The following CACNA1C variants were observed in gnomAD, a reference collection of about 807,000 sequenced individuals.
CACNA1C encodes voltage-dependent L-type calcium channel subunit alpha-1C.
CACNA1C carries 30 observed loss-of-function variants against 229.0 expected under a neutral mutation model. That is an observed-to-expected ratio of 0.13 (90% confidence interval 0.10 to 0.18). CACNA1C has a LOEUF of 0.18. CACNA1C is among the 10% of genes least tolerant of loss of function. The probability of loss-of-function intolerance (pLI) is 1.00; values close to 1 mark genes in which losing one functional copy is unlikely to be tolerated. For synonymous variants in CACNA1C, 1,114 were observed against 1,132.5 expected, an observed-to-expected ratio of 0.98 and a Z score of 0.33; for missense variants, 1,658 against 2,845.0, an observed-to-expected ratio of 0.58 and a Z score of 9.49.
intron 3 of CACNA1C, among the ~76,000 whole-genome samples, chr12:2,424,985 T>C (rs1208439921): frequency 6.6e-6 from 1 of 152,228 alleles, no homozygotes; most frequent in Non-Finnish European, 1.5e-5. Context: ...TGGGCGACTG[T>C]CTGCACTGTG....
chr12:2,688,518 TGCCACCCCACCA>T lies in CACNA1C; in HGVS notation c.5862_5873del (p.Pro1956_Pro1959del), dbSNP rs781559449. 23 of 1,613,822 alleles carry T rather than the reference TGCCACCCCACCA, an allele frequency of 1.4e-5. No individual in the cohort carries two copies. In the East Asian group the frequency reaches 4.7e-4, roughly 33 times the overall value. On this transcript the variant is annotated inframe_deletion, in exon 46 of 47. Transcript: ENST00000399655. ...CCCCTGCCTCATTCCCTAGGCCTTT[TGCCACCCCACCA>T]GCCACACCTGGCAGCCGAGGCTGGC...
intron 3 of CACNA1C, among the ~76,000 whole-genome samples, chr12:2,284,792 C>A (rs941832336): frequency 5.3e-5 from 8 of 152,220 alleles, no homozygotes; most frequent in African/African-American, 1.9e-4. Context: ...AGCCTTGTTC[C>A]AGTGTGAGTC....
intron 3 of CACNA1C, among the ~76,000 whole-genome samples, chr12:2,356,629 T>A (rs938523607): frequency 1.3e-5 from 2 of 152,226 alleles, no homozygotes; most frequent in African/African-American, 2.4e-5. Flanking sequence ...AAACATGACC[T>A]GAAGAGGCAG....
intron 3 of CACNA1C, among the ~76,000 whole-genome samples, chr12:2,376,238 G>T (rs2098060935): frequency 6.6e-6 from 1 of 152,192 alleles, no homozygotes; most frequent in Non-Finnish European, 1.5e-5. Flanking sequence ...TAGATCAGAA[G>T]TCCAGGTCGG....
At chr12:2,629,874 C>A (rs758711560) in intron 29 of CACNA1C, among the ~76,000 whole-genome samples, 1 of 152,234 alleles carries the variant, frequency 6.6e-6, no homozygotes, top group African/African-American at 2.4e-5. Context: ...TCTCAGCCCA[C>A]CCCTATCAGT....
intron 9 of CACNA1C, among the ~76,000 whole-genome samples, chr12:2,524,712 A>T (rs1244269900): frequency 6.6e-6 from 1 of 152,246 alleles, no homozygotes. Flanking sequence ...TCGGGCCAGC[A>T]GAAGAGGGAG....
intron 3 of CACNA1C, among the ~76,000 whole-genome samples, chr12:2,404,011 G>T (rs1374320412): frequency 6.6e-6 from 1 of 152,220 alleles, no homozygotes; most frequent in Non-Finnish European, 1.5e-5. Context: ...GTCCAGCCAG[G>T]CAGGGCCTGG....
At chr12:2,280,814 A>G (rs2090959353) in intron 3 of CACNA1C, among the ~76,000 whole-genome samples, 1 of 151,834 alleles carries the variant, frequency 6.6e-6, no homozygotes, top group South Asian at 2.1e-4. Flanking sequence ...TGTTAGTCCC[A>G]TGTAGCTTTG....
chr12:2,575,956 G>A lies in CACNA1C; in HGVS notation c.1896-5634G>A, dbSNP rs1402762925. Among the ~76,000 whole-genome samples the A allele has an allele frequency of 3.9e-5, 6 of 152,166 alleles. No homozygotes were observed. The highest frequency in any genetic ancestry group is 1.4e-4 in the African/African-American group (6 of 41,436). On this transcript the variant is annotated intron_variant, in intron 13 of 46. Transcript: ENST00000399655. The surrounding 1 kb of genome is among the most constrained non-coding windows in gnomAD (Gnocchi z 4.0). The stretch of plus-strand genomic sequence containing the variant: ...CCACAGAGCCCCAAACCCAGAGACA[G>A]ACCTAGAGACGGGGAAACAAATGGA...
intron 3 of CACNA1C, among the ~76,000 whole-genome samples, chr12:2,373,228 C>G (rs2097918934): frequency 6.6e-6 from 1 of 152,194 alleles, no homozygotes; most frequent in Admixed American, 6.5e-5. Context: ...ATATTACTTA[C>G]TTGTCACCCC....
chr12:2,262,229 G>T (rs2080553779), intron 3 of CACNA1C, among the ~76,000 whole-genome samples: 1 of 152,218 alleles, frequency 6.6e-6, no homozygotes, highest in South Asian at 2.1e-4. Context: ...CAGACCATGT[G>T]ACAGTCAGCT....
At chr12:2,136,869 G>A (rs7308563) in intron 3 of CACNA1C, among the ~76,000 whole-genome samples, 2 of 151,370 alleles carry the variant, frequency 1.3e-5, no homozygotes, top group Non-Finnish European at 3.0e-5. Flanking sequence ...TCTCTGGTTG[G>A]GGTGAGGGAA....
intron 18 of CACNA1C, among the ~76,000 whole-genome samples, chr12:2,588,094 C>A (rs1271534585): frequency 6.6e-6 from 1 of 152,234 alleles, no homozygotes; most frequent in Non-Finnish European, 1.5e-5. Context: ...CAGTCAGCTC[C>A]TGGATCCTTT....
intron 42 of CACNA1C, chr12:2,680,576 G>T: frequency 1.3e-6 from 2 of 1,560,484 alleles, no homozygotes; most frequent in Non-Finnish European, 1.7e-6. Context: ...AGCATGCCAG[G>T]TTCTTGACAT....
chr12:2,550,023 G>A lies in CACNA1C; in HGVS notation c.1471G>A (p.Ala491Thr). 4 of 1,603,894 alleles carry A rather than the reference G, an allele frequency of 2.5e-6. No individual in the cohort carries two copies. The Middle Eastern group carries it at 6.6e-4, about 265-fold the overall frequency. ...TGACATCGAGGGAGAAAACTGCGGG[G>A]CCAGGCTGGCGTGAGTAGGCACGGC... ...GGDIEGENCGARLAHRISKSK... is the reference protein window; with the variant it reads ...GGDIEGENCGTRLAHRISKSK... Residue 491 changes from alanine (A) to threonine (T), a missense_variant, in exon 10 of 47, where the codon GCC becomes ACC. Transcript: ENST00000399655.
rs1030242284 is a variant in CACNA1C at position 2,593,292 on chromosome 12, G to A, written c.2610G>A (p.Lys870=). ...RPLSELHLKE[K]AVPMPEASAF... is the part of the protein sequence containing the mutation. The stretch of plus-strand genomic sequence containing the variant: ...TCTCTGAGCTTCACCTTAAGGAAAA[G>A]GCAGTGCCCATGCCAGAAGCCAGCG... The change falls in exon 19 of 47, where the codon AAG becomes AAA. Residue 870 remains lysine, a synonymous_variant. Coordinates refer to ENST00000399655, the MANE Select transcript of CACNA1C (RefSeq NM_000719.7). 1.2e-6 allele frequency: 2 copies of A among 1,613,718 alleles called. No individual in the cohort carries two copies. Among genetic ancestry groups the A allele is most frequent in the East Asian group, 4.5e-5 (2 of 44,878 alleles).
At chr12:2,503,161 G>A (rs984539851) in intron 7 of CACNA1C, among the ~76,000 whole-genome samples, 4 of 152,220 alleles carry the variant, frequency 2.6e-5, no homozygotes, top group Admixed American at 1.3e-4. Context: ...CTGTAGGGCC[G>A]TCAAAACGTG....
chr12:2,501,050 A>G (rs2099758567), intron 7 of CACNA1C, among the ~76,000 whole-genome samples: 1 of 151,334 alleles, frequency 6.6e-6, no homozygotes, highest in Non-Finnish European at 1.5e-5. Context: ...ACTTTAAAAA[A>G]AAAAAAAAAT....
chr12:2,560,420 CGGT>C (rs1476226600), intron 11 of CACNA1C, among the ~76,000 whole-genome samples: 1 of 152,132 alleles, frequency 6.6e-6, no homozygotes, highest in African/African-American at 2.4e-5. Context: ...AAAATGTGGC[CGGT>C]TAGTGGATTA....
Sources: gnomAD v4.1 joint callset for allele counts (sites outside exome capture counted in the v4.1 genomes callset) on GRCh38, gnomAD v4.1.1 for gene constraint, Gnocchi (gnomAD v3.1) non-coding constraint, MANE v1.5 for transcripts, NCBI Gene and HGNC (gene_info 2026-07-23, HGNC 2026-07-21) for gene names.